The following INSC variants were observed in gnomAD, a reference collection of about 807,000 sequenced individuals.
INSC encodes protein inscuteable homolog.
Under a neutral mutation model 58.6 loss-of-function variants are expected in INSC, and 67 were observed. The observed-to-expected ratio is 1.14, with a 90% CI of 0.94 to 1.40. The LOEUF is 1.40. Ranked by LOEUF, INSC falls within the 40% of genes most tolerant of loss-of-function variation. The pLI is 0.00. For missense variants in INSC, 714 were observed against 692.0 expected (o/e 1.03, Z -0.36); for synonymous variants, 262 against 276.1 (o/e 0.95, Z 0.51).
At chr11:15,191,201 G>C (rs1301223715) in intron 6 of INSC, among the ~76,000 whole-genome samples, 1 of 151,988 alleles carries the variant, frequency 6.6e-6, no homozygotes, top group Non-Finnish European at 1.5e-5. Flanking sequence ...GGATGGTCTC[G>C]ATCTCCTGAT....
chr11:15,118,461 T>G (rs1162303369), intron 1 of INSC, among the ~76,000 whole-genome samples: 1 of 152,172 alleles, frequency 6.6e-6, no homozygotes, highest in Non-Finnish European at 1.5e-5. Context: ...TTTCAGGCAT[T>G]GCATTGAGGT....
intron 2 of INSC, among the ~76,000 whole-genome samples, chr11:15,161,819 A>G (rs1210824548): frequency 6.6e-6 from 1 of 152,184 alleles, no homozygotes; most frequent in African/African-American, 2.4e-5. Context: ...AAATGAAGAC[A>G]TCGAAAAATT....
At chr11:15,211,022 A>G (rs1481045403) in intron 7 of INSC, among the ~76,000 whole-genome samples, 4 of 152,090 alleles carry the variant, frequency 2.6e-5, no homozygotes, top group African/African-American at 9.7e-5. Flanking sequence ...ACCCACAGAG[A>G]TAAAGAGAGA....
At chr11:15,242,844 G>A (rs1198456876) in intron 12 of INSC, among the ~76,000 whole-genome samples, 2 of 152,062 alleles carry the variant, frequency 1.3e-5, no homozygotes, top group Admixed American at 6.5e-5. Context: ...CATTATCTTT[G>A]TCCCAGGTGT....
At chr11:15,237,584 A>G (rs1490958491) in intron 10 of INSC, among the ~76,000 whole-genome samples, 1 of 152,220 alleles carries the variant, frequency 6.6e-6, no homozygotes, top group African/African-American at 2.4e-5. Context: ...TGAGGAATCA[A>G]CAATGGTGTC....
At position 15,168,857 on chromosome 11, in the gene INSC, G is replaced by A. The variant is rs115576155; in HGVS notation, c.57-6884G>A. 1.8e-3 allele frequency among the ~76,000 whole-genome samples: 276 copies of A among 152,226 alleles called. 1 individual carries two copies. The highest frequency in any genetic ancestry group is 5.9e-3 in the African/African-American group (246 of 41,538). ...ATCTGGTTGCTGAATTCATGGATGT[G>A]TTGACCTTATGAAAATGTATTGAAC... is the stretch of plus-strand genomic sequence containing the variant. On this transcript the variant is annotated intron_variant, in intron 2 of 12. Transcript: ENST00000379556.
downstream of INSC, among the ~76,000 whole-genome samples, chr11:15,248,960 A>G (rs1852621422): frequency 6.6e-6 from 1 of 152,186 alleles, no homozygotes. Context: ...AAGTGAGATA[A>G]TAGTGTTACC....
intron 9 of INSC, among the ~76,000 whole-genome samples, chr11:15,226,494 C>T (rs190463727): frequency 1.2e-3 from 178 of 152,232 alleles, no homozygotes; most frequent in African/African-American, 3.7e-3. Flanking sequence ...GAATTTTATA[C>T]CATTTCACCT....
chr11:15,161,572 A>G (rs183826224), intron 2 of INSC, among the ~76,000 whole-genome samples: 1 of 152,184 alleles, frequency 6.6e-6, no homozygotes, highest in Non-Finnish European at 1.5e-5. Context: ...GGAGAAAAAA[A>G]CCTTCTCAGT....
In INSC at chr11:15,155,584, G is replaced by A. The variant is rs529279982; in HGVS notation, c.56+6354G>A. On this transcript the variant is annotated intron_variant, in intron 2 of 12. Transcript: ENST00000379556. ...TCTCCTCCGTAATCCTAGCACACAGGCCCAGTGCCTGGCCCATTTGGGGTG... is the reference window on the plus strand; with the variant it reads ...TCTCCTCCGTAATCCTAGCACACAGACCCAGTGCCTGGCCCATTTGGGGTG... Among the ~76,000 whole-genome samples the A allele has an allele frequency of 5.9e-5, 9 of 152,270 alleles. No individual in the cohort carries two copies. In the East Asian group the frequency reaches 7.7e-4, roughly 13 times the overall value.
At chr11:15,199,487 G>C (rs1850495524) in intron 6 of INSC, among the ~76,000 whole-genome samples, 1 of 152,184 alleles carries the variant, frequency 6.6e-6, no homozygotes, top group Non-Finnish European at 1.5e-5. Flanking sequence ...GTGAACCCGT[G>C]CTGGGCTTCT....
upstream of INSC, chr11:15,112,449 G>A (rs201983726): frequency 4.9e-5 from 78 of 1,582,826 alleles, no homozygotes; most frequent in African/African-American, 4.6e-4. Flanking sequence ...ACTTGGAGTC[G>A]CTGCAGCCAA....
chr11:15,181,776 G>A (rs764768809), intron 5 of INSC, among the ~76,000 whole-genome samples: 21 of 152,214 alleles, frequency 1.4e-4, no homozygotes, highest in Non-Finnish European at 2.1e-4. Flanking sequence ...AAGTATGTTT[G>A]GATTATCTTT....
At chr11:15,253,582 A>C in the INSC span, among the ~76,000 whole-genome samples, 3 of 152,200 alleles carry the variant, frequency 2.0e-5, no homozygotes, top group Non-Finnish European at 2.9e-5. Flanking sequence ...AGGAGGAAGA[A>C]AAGGAAGTTG....
chr11:15,269,473 C>A, the INSC span, among the ~76,000 whole-genome samples: 1 of 151,792 alleles, frequency 6.6e-6, no homozygotes, highest in Admixed American at 6.6e-5. Context: ...CCTTCCTTGG[C>A]AGTGATGTGG....
chr11:15,268,355 T>C, the INSC span, among the ~76,000 whole-genome samples: 2 of 152,052 alleles, frequency 1.3e-5, no homozygotes, highest in Non-Finnish European at 1.5e-5. Flanking sequence ...CTTTCTTGCT[T>C]TCAGATTGTC....
chr11:15,235,685 T>C lies in INSC; in HGVS notation c.1237+17T>C. On this transcript the variant is annotated intron_variant, in intron 10 of 12. Transcript: ENST00000379556. ...AGGAAAATGGTATGTCTTTGCAGCATTGTACATGTTATGTGGATTATCTGG... is the reference window on the plus strand; with the variant it reads ...AGGAAAATGGTATGTCTTTGCAGCACTGTACATGTTATGTGGATTATCTGG... 3 of 1,598,524 alleles carry C rather than the reference T, an allele frequency of 1.9e-6. No individual in the cohort carries two copies. The highest frequency in any genetic ancestry group is 2.6e-6 in the Non-Finnish European group (3 of 1,165,948).
chr11:15,161,034 A>G (rs1312353944), intron 2 of INSC, among the ~76,000 whole-genome samples: 2 of 152,230 alleles, frequency 1.3e-5, no homozygotes, highest in African/African-American at 4.8e-5. Context: ...CTCAAGAGAT[A>G]GTTTCTTTCA....
Position 15,190,739 on chromosome 11 carries a change from C to T in INSC, c.618C>T (p.Tyr206=), listed in dbSNP as rs1261499228. 4 of 1,613,842 alleles carry T rather than the reference C, an allele frequency of 2.5e-6. No individual in the cohort carries two copies. Among genetic ancestry groups the T allele is most frequent in the East Asian group, 2.2e-5 (1 of 44,888 alleles). ...AAATTGATGCCTCAGACAATATCTACACCACAGAGTCCACCACAGGGAACC... is the reference window on the plus strand; with the variant it reads ...AAATTGATGCCTCAGACAATATCTATACCACAGAGTCCACCACAGGGAACC... ...VRKIDASDNI[Y]TTESTTGNLF... Residue 206 remains tyrosine (Y), a synonymous_variant, in exon 6 of 13, where the codon TAC becomes TAT. Transcript: ENST00000379556.
Sources: gnomAD v4.1 joint callset for allele counts (sites outside exome capture counted in the v4.1 genomes callset) on GRCh38, gnomAD v4.1.1 for gene constraint, MANE v1.5 for transcripts, NCBI Gene and HGNC (gene_info 2026-07-23, HGNC 2026-07-21) for gene names.